NPLOC4: variants seen among roughly 807,000 people sequenced by gnomAD.
The protein encoded by NPLOC4 is NPL4 homolog, ubiquitin recognition factor.
A neutral mutation model predicts 80.6 loss-of-function variants in NPLOC4; 18 were observed. The ratio of observed to expected loss-of-function variants is 0.22; its 90% CI spans 0.15 to 0.33. The LOEUF is 0.33. Ranked by LOEUF, NPLOC4 falls within the 10% of genes least tolerant of loss-of-function variation. NPLOC4 has a pLI of 1.00. For synonymous variants in NPLOC4, 313 were observed against 301.5 expected, an observed-to-expected ratio of 1.04 and a Z score of -0.39; for missense variants, 540 against 786.1, an observed-to-expected ratio of 0.69 and a Z score of 3.74.
At chr17:81,631,456 TTTTTTTC>T (rs1477919035) in intron 1 of NPLOC4, among the ~76,000 whole-genome samples, 21 of 59,908 alleles carry the variant, frequency 3.5e-4, no homozygotes, top group South Asian at 2.1e-3. Context: ...TTTTTTTTTT[TTTTTTTC>T]CCCCACGGCA....
intron 7 of NPLOC4, 123 bp downstream of exon 7, chr17:81,606,568 C>T: frequency 3.0e-6 from 3 of 991,724 alleles, no homozygotes; most frequent in Non-Finnish European, 4.4e-6. Flanking sequence ...TCATTCAGTC[C>T]ATCAAAAAGT....
At chr17:81,592,034 T>C (rs531805686) in intron 11 of NPLOC4, among the ~76,000 whole-genome samples, 11 of 152,288 alleles carry the variant, frequency 7.2e-5, no homozygotes, top group South Asian at 2.1e-4. Flanking sequence ...GGGGCTCTTA[T>C]ACTCTGAAGC....
chr17:81,607,103 A>C (rs1213932045), intron 6 of NPLOC4, among the ~76,000 whole-genome samples: 1 of 152,224 alleles, frequency 6.6e-6, no homozygotes, highest in African/African-American at 2.4e-5. Context: ...CATCCGAGAA[A>C]GCTTTCAAGA....
At chr17:81,585,803 A>C (rs7406417) in intron 12 of NPLOC4, among the ~76,000 whole-genome samples, 30,730 of 151,704 alleles carry the variant, frequency 0.2, 3,913 homozygotes, top group East Asian at 0.65. Flanking sequence ...CCTGGGCAAC[A>C]TGGTGAAATC....
chr17:81,587,676 T>G (rs900833924), intron 12 of NPLOC4, among the ~76,000 whole-genome samples: 4 of 138,898 alleles, frequency 2.9e-5, no homozygotes, highest in African/African-American at 1.1e-4. Flanking sequence ...AAAAAGTTGT[T>G]TTTTTTTTTT....
At chr17:81,597,876 C>T (rs2034958986) in intron 9 of NPLOC4, among the ~76,000 whole-genome samples, 2 of 151,336 alleles carry the variant, frequency 1.3e-5, no homozygotes, top group Admixed American at 1.3e-4. Context: ...CGGTGGATCA[C>T]GAGGTCAGGA....
intron 13 of NPLOC4, among the ~76,000 whole-genome samples, chr17:81,571,670 T>C (rs2034164160): frequency 6.6e-6 from 1 of 152,212 alleles, no homozygotes; most frequent in Non-Finnish European, 1.5e-5. Flanking sequence ...CTCCGGTGAC[T>C]GGAGACCCAA....
chr17:81,630,453 A>T (rs933701892), intron 1 of NPLOC4, among the ~76,000 whole-genome samples: 8 of 147,460 alleles, frequency 5.4e-5, no homozygotes, highest in Non-Finnish European at 9.0e-5. Context: ...CACCAGGTTA[A>T]TTTTTTTTTT....
At chr17:81,565,971 CCT>C (rs996732693) in intron 15 of NPLOC4, among the ~76,000 whole-genome samples, 12 of 152,296 alleles carry the variant, frequency 7.9e-5, no homozygotes, top group African/African-American at 2.9e-4. Flanking sequence ...CATCCCTCTG[CCT>C]CTTTCTCCTC....
At chr17:81,591,503 ACG>A (rs1221639555) in intron 11 of NPLOC4, among the ~76,000 whole-genome samples, 4 of 150,524 alleles carry the variant, frequency 2.7e-5, no homozygotes, top group Admixed American at 6.6e-5. Flanking sequence ...GGTCATTAAC[ACG>A]ATAGGTCATT....
In NPLOC4 at chr17:81,570,757, C is replaced by T. The variant is rs1292854878; in HGVS notation, c.1353+1260G>A. 2.6e-5 allele frequency among the ~76,000 whole-genome samples: 4 copies of T among 152,216 alleles called. No individual in the cohort carries two copies. In the East Asian group the frequency reaches 5.8e-4, roughly 22 times the overall value. On this transcript the variant is annotated intron_variant, in intron 13 of 16. Transcript: ENST00000331134. Reference sequence around the variant, plus strand: ...GTTTAAGAACCTTGGCTGAGGCCAGCGCCTGTGGCCCAGGGCTGGGCATGG... The same window carrying T: ...GTTTAAGAACCTTGGCTGAGGCCAGTGCCTGTGGCCCAGGGCTGGGCATGG...
At chr17:81,594,192 G>A (rs563815816) in intron 11 of NPLOC4, among the ~76,000 whole-genome samples, 26 of 144,056 alleles carry the variant, frequency 1.8e-4, no homozygotes, top group Admixed American at 1.7e-3. Context: ...GGAAAATGGC[G>A]TGAACCCGGG....
chr17:81,592,152 G>A lies in NPLOC4; in HGVS notation c.1121-3048C>T, dbSNP rs535824935. Among the ~76,000 whole-genome samples, 58 of 152,310 alleles carry A rather than the reference G, an allele frequency of 3.8e-4. 1 individual carries two copies. In the East Asian group the frequency reaches 4.2e-3, roughly 11 times the overall value. ...TCCCAGCCAGGACCTGAGTGCTGTC[G>A]GCAGGGGCGCCCCGCACCCTATGCC... On this transcript the variant is annotated intron_variant, in intron 11 of 16. Coordinates refer to ENST00000331134, the MANE Select transcript of NPLOC4 (RefSeq NM_017921.4).
Position 81,580,843 on chromosome 17 carries a change from G to A in NPLOC4, c.1281+8101C>T, listed in dbSNP as rs1051098867. ...GCATCGCACAGTGAATCAGGTCAGT[G>A]CTACCAAGGGCTTGGCCACCCAAAC... On this transcript the variant is annotated intron_variant, in intron 12 of 16. Coordinates refer to ENST00000331134, the MANE Select transcript of NPLOC4 (RefSeq NM_017921.4). This position sits in a 1 kb window ranked among gnomAD's most constrained non-coding sequence, Gnocchi z 4.4. Among the ~76,000 whole-genome samples, 10 of 152,188 alleles carry A rather than the reference G, an allele frequency of 6.6e-5. No individual in the cohort carries two copies. Among genetic ancestry groups the A allele is most frequent in the African/African-American group, 2.4e-4 (10 of 41,454 alleles).
chr17:81,596,806 A>G (rs998881884), intron 10 of NPLOC4, among the ~76,000 whole-genome samples: 1 of 152,118 alleles, frequency 6.6e-6, no homozygotes, highest in Admixed American at 6.5e-5. Context: ...ATCAAGAAGA[A>G]CTTCTTGAAA....
chr17:81,620,950 A>C (rs1229045864), intron 3 of NPLOC4, among the ~76,000 whole-genome samples: 1 of 151,436 alleles, frequency 6.6e-6, no homozygotes, highest in Admixed American at 6.6e-5. Context: ...TTGAGCCCAG[A>C]AGGTCGAGGC....
intron 11 of NPLOC4, among the ~76,000 whole-genome samples, chr17:81,595,453 C>CTT (rs111441266): frequency 0.13 from 17,657 of 132,478 alleles, 1,461 homozygotes; most frequent in Admixed American, 0.19. Flanking sequence ...ACCCGTTTTG[C>CTT]TTTTTTTTTT....
intron 7 of NPLOC4, among the ~76,000 whole-genome samples, chr17:81,606,479 C>T (rs1252294490): frequency 6.6e-6 from 1 of 152,158 alleles, no homozygotes; most frequent in Admixed American, 6.5e-5. Flanking sequence ...AAACAGAGAA[C>T]TGAGGGCGCG....
At chr17:81,565,776 C>T (rs985838440) in intron 15 of NPLOC4, among the ~76,000 whole-genome samples, 169 bp from the exon 16 acceptor site, 37 of 152,350 alleles carry the variant, frequency 2.4e-4, no homozygotes, top group African/African-American at 8.2e-4. Context: ...CATCTATAAA[C>T]GCAAGTGCTA....
Sources: gnomAD v4.1 joint callset for allele counts (sites outside exome capture counted in the v4.1 genomes callset) on GRCh38, gnomAD v4.1.1 for gene constraint, Gnocchi (gnomAD v3.1) non-coding constraint, MANE v1.5 for transcripts, NCBI Gene and HGNC (gene_info 2026-07-23, HGNC 2026-07-21) for gene names.